CSMD3: variants seen among roughly 807,000 people sequenced by gnomAD.
CSMD3 encodes the protein CUB and Sushi multiple domains 3, also known as CUB and sushi domain-containing protein 3.
In CSMD3, 177 loss-of-function variants were observed where a neutral mutation model predicts 435.2. That is an observed-to-expected ratio of 0.41 (90% confidence interval 0.36 to 0.46). The LOEUF is 0.46. Ranked by LOEUF, CSMD3 falls within the 20% of genes least tolerant of loss-of-function variation. The probability of loss-of-function intolerance (pLI) is 0.34; values close to 1 mark genes in which losing one functional copy is unlikely to be tolerated. For synonymous variants in CSMD3, 1,656 were observed against 1,520.5 expected (o/e 1.09, Z -2.07); for missense variants, 4,265 against 4,504.6 (o/e 0.95, Z 1.52).
intron 23 of CSMD3, among the ~76,000 whole-genome samples, chr8:112,582,168 T>C (rs1288063066): frequency 2.0e-5 from 3 of 151,938 alleles, no homozygotes; most frequent in Admixed American, 1.3e-4. Context: ...TTAGTTCACG[T>C]GAGATCTGCT....
chr8:112,228,801 A>C lies in CSMD3; in HGVS notation c.10919T>G (p.Phe3640Cys), dbSNP rs192864631. The change falls in exon 70 of 71, where the codon TTT (phenylalanine) becomes TGT (cysteine). Residue 3640 changes from phenylalanine to cysteine, a missense_variant. By Grantham distance (205) the Phe-to-Cys change is radical. Around this residue, in one of 3 missense-constraint regions of CSMD3, gnomAD observed 3,255 missense variants for 3,380.2 expected, o/e 0.96. Coordinates refer to ENST00000297405, the MANE Select transcript of CSMD3 (RefSeq NM_198123.2). ...TCCAAATCCTGCAAATATAAGTGCAAAAAAAGGCACAAGAATAGCAATGGC... is the reference window on the plus strand; with the variant it reads ...TCCAAATCCTGCAAATATAAGTGCACAAAAAGGCACAAGAATAGCAATGGC... The part of the protein sequence containing the change: ...SVAIAILVPF[F>C]ALIFAGFGFY... 6.3e-7 allele frequency: 1 copy of C among 1,592,204 alleles called. No homozygotes were observed. Among genetic ancestry groups the C allele is most frequent in the East Asian group, 2.2e-5 (1 of 44,612 alleles).
chr8:113,088,494 A>G (rs912007686), intron 5 of CSMD3, among the ~76,000 whole-genome samples: 1 of 150,660 alleles, frequency 6.6e-6, no homozygotes, highest in Non-Finnish European at 1.5e-5. Context: ...GATTAAGAAA[A>G]TGTGGCACAT....
chr8:113,091,245 G>C (rs550916578), intron 5 of CSMD3, among the ~76,000 whole-genome samples: 4 of 152,208 alleles, frequency 2.6e-5, no homozygotes, highest in African/African-American at 9.6e-5. Context: ...GCTCATGAAA[G>C]TATTTATTAA....
rs137935947 is a variant in CSMD3, at chr8:112,517,359, C to T, written c.4565-134G>A. On this transcript the variant is annotated intron_variant, in intron 27 of 70. Transcript: ENST00000297405. ...AATGCTATACAATAAACACTTTCTC[C>T]ATATTTTAAATAATTTATGTGCTAA... 1.2e-3 allele frequency: 756 copies of T among 631,242 alleles called. 1 individual carries two copies. In the African/African-American group the frequency reaches 0.012, roughly 10 times the overall value. The allele number at this position is 631,242 out of a possible 1,614,324, so 39.1% of individuals were successfully genotyped here.
intron 4 of CSMD3, among the ~76,000 whole-genome samples, chr8:113,112,116 T>A (rs1564328190): frequency 6.6e-6 from 1 of 152,066 alleles, no homozygotes; most frequent in Non-Finnish European, 1.5e-5. Context: ...AATGATACAG[T>A]ATATAATCTT....
At chr8:112,395,604 A>C (rs751023474) in intron 35 of CSMD3, among the ~76,000 whole-genome samples, 19 of 152,132 alleles carry the variant, frequency 1.2e-4, no homozygotes, top group Non-Finnish European at 1.9e-4. Flanking sequence ...TAAGCAGCTA[A>C]TTAAAGACTC....
At chr8:113,156,777 T>A (rs113916464) in intron 4 of CSMD3, among the ~76,000 whole-genome samples, 13,494 of 144,582 alleles carry the variant, frequency 0.093, 725 homozygotes, top group Middle Eastern at 0.14. Context: ...AATAAATAAA[T>A]AAAGTTAGCC....
intron 12 of CSMD3, among the ~76,000 whole-genome samples, chr8:112,826,011 G>T (rs2079669413): frequency 6.6e-6 from 1 of 152,186 alleles, no homozygotes; most frequent in Admixed American, 6.5e-5. Context: ...GGAGATCAGA[G>T]TTCTGTCCCT....
At chr8:112,836,744 T>C (rs1385867568) in intron 11 of CSMD3, among the ~76,000 whole-genome samples, 1 of 151,832 alleles carries the variant, frequency 6.6e-6, no homozygotes, top group Non-Finnish European at 1.5e-5. Flanking sequence ...TTCTGGACAG[T>C]ATGCTTTTTA....
chr8:112,415,725 G>A (rs1400636917), intron 32 of CSMD3, among the ~76,000 whole-genome samples: 2 of 152,196 alleles, frequency 1.3e-5, no homozygotes, highest in African/African-American at 4.8e-5. Context: ...GCCCAAGGCT[G>A]ACAGAGCCCA....
chr8:113,195,868 T>A (rs2132006383), intron 3 of CSMD3, among the ~76,000 whole-genome samples: 1 of 147,454 alleles, frequency 6.8e-6, no homozygotes, highest in African/African-American at 2.5e-5. Context: ...TATATAGTGC[T>A]CAGTGTTAAG....
At chr8:112,730,898 G>A (rs190676417) in intron 13 of CSMD3, among the ~76,000 whole-genome samples, 12 of 152,120 alleles carry the variant, frequency 7.9e-5, no homozygotes, top group South Asian at 2.1e-4. Flanking sequence ...ACTGTTCACA[G>A]TGCTCTTGAA....
chr8:113,266,928 A>C (rs1023284766), intron 3 of CSMD3, among the ~76,000 whole-genome samples: 6 of 151,742 alleles, frequency 4.0e-5, no homozygotes, highest in African/African-American at 1.4e-4. Flanking sequence ...ATTTCATGAA[A>C]ACATGGGCAA....
rs566327988 is a variant in CSMD3 at position 112,960,976 on chromosome 8, T to C, written c.1343-6215A>G. 1.6e-4 allele frequency among the ~76,000 whole-genome samples: 24 copies of C among 151,888 alleles called. No homozygotes were observed. The Middle Eastern group carries it at 0.017, about 108-fold the overall frequency. On this transcript the variant is annotated intron_variant, in intron 7 of 70. Transcript: ENST00000297405. ...CACAATGCTCATTTGTACATAGCAC[T>C]TACTCTTGCATGTTTGATGTGTAAA... is the stretch of plus-strand genomic sequence containing the variant.
chr8:113,113,139 G>A (rs925526926), intron 4 of CSMD3, among the ~76,000 whole-genome samples: 1 of 152,204 alleles, frequency 6.6e-6, no homozygotes, highest in African/African-American at 2.4e-5. Flanking sequence ...AGTGCACTAA[G>A]TGGAGAAACC....
intron 31 of CSMD3, among the ~76,000 whole-genome samples, chr8:112,485,471 T>C (rs1296490851): frequency 6.6e-6 from 1 of 152,140 alleles, no homozygotes; most frequent in Non-Finnish European, 1.5e-5. Flanking sequence ...AGATAATCTC[T>C]ATATGCATTG....
chr8:112,439,824 G>C, intron 32 of CSMD3, among the ~76,000 whole-genome samples: 1 of 151,792 alleles, frequency 6.6e-6, no homozygotes, highest in East Asian at 1.9e-4. Context: ...TAAAAGTACA[G>C]GAGAACTGCC....
At chr8:113,160,325 T>C (rs1316394773) in intron 4 of CSMD3, among the ~76,000 whole-genome samples, 3 of 151,982 alleles carry the variant, frequency 2.0e-5, no homozygotes, top group African/African-American at 7.2e-5. Context: ...TCAATAATGA[T>C]GTTTTAAATG....
intron 10 of CSMD3, among the ~76,000 whole-genome samples, chr8:112,883,440 T>G (rs535364557): frequency 3.3e-5 from 5 of 151,978 alleles, no homozygotes; most frequent in Non-Finnish European, 7.4e-5. Flanking sequence ...CAGTGAACCA[T>G]TTCAGTGCTT....
Sources: allele counts gnomAD v4.1 joint callset (sites outside exome capture counted in the v4.1 genomes callset), GRCh38; gene constraint gnomAD v4.1.1; regional missense constraint gnomAD v4.1.1; transcripts MANE v1.5; gene names NCBI Gene and HGNC (gene_info 2026-07-23, HGNC 2026-07-21).